Variants in RNF130 observed in about 807,000 individuals in gnomAD.
RNF130 encodes the protein E3 ubiquitin-protein ligase RNF130.
RNF130 carries 21 observed loss-of-function variants against 44.6 expected under a neutral mutation model. The ratio of observed to expected loss-of-function variants is 0.47; its 90% CI spans 0.33 to 0.68. RNF130 has a LOEUF of 0.68. Ranked by LOEUF, RNF130 falls within the 30% of genes least tolerant of loss-of-function variation. The pLI, the probability that RNF130 is intolerant of heterozygous loss-of-function variation, is 0.02. For missense variants in RNF130, 479 were observed against 560.6 expected, an observed-to-expected ratio of 0.85 and a Z score of 1.47; for synonymous variants, 214 against 210.4, an observed-to-expected ratio of 1.02 and a Z score of -0.15.
chr5:179,938,749 TTAA>T (rs1299302273), intron 7 of RNF130, among the ~76,000 whole-genome samples: 1 of 152,224 alleles, frequency 6.6e-6, no homozygotes, highest in African/African-American at 2.4e-5. Context: ...CATTATTGCA[TTAA>T]TACCTTTCAC....
intron 7 of RNF130, among the ~76,000 whole-genome samples, chr5:179,941,082 ATACT>A (rs1319876046): frequency 5.9e-5 from 9 of 152,152 alleles, no homozygotes; most frequent in African/African-American, 2.2e-4. Flanking sequence ...TTTCCTGAAC[ATACT>A]TAATTATTTT....
At chr5:180,020,090 T>TCAGGACA (rs1351099524) in intron 2 of RNF130, among the ~76,000 whole-genome samples, 1 of 152,190 alleles carries the variant, frequency 6.6e-6, no homozygotes, top group African/African-American at 2.4e-5. Flanking sequence ...GAGGCACTGG[T>TCAGGACA]CAGGACACAG....
At chr5:180,016,142 GCCA>G (rs1763723579) in intron 2 of RNF130, among the ~76,000 whole-genome samples, 1 of 151,934 alleles carries the variant, frequency 6.6e-6, no homozygotes, top group South Asian at 2.1e-4. Context: ...ACGAAAGCCC[GCCA>G]CCAACTTGCA....
chr5:180,024,699 G>A (rs1347493318), intron 2 of RNF130, among the ~76,000 whole-genome samples: 1 of 152,164 alleles, frequency 6.6e-6, no homozygotes, highest in Non-Finnish European at 1.5e-5. Flanking sequence ...GACACCAAAC[G>A]GAAACTTGGA....
intron 7 of RNF130, among the ~76,000 whole-genome samples, chr5:179,928,692 G>C (rs1382545096): frequency 6.6e-6 from 1 of 150,672 alleles, no homozygotes; most frequent in African/African-American, 2.4e-5. Flanking sequence ...GCAGTGGTGC[G>C]ATCTCGGCTC....
chr5:180,014,064 C>A (rs528798101), intron 2 of RNF130, among the ~76,000 whole-genome samples: 25 of 152,222 alleles, frequency 1.6e-4, no homozygotes, highest in Non-Finnish European at 2.9e-4. Context: ...CTTCAACATT[C>A]TGGACCAGTT....
At position 180,040,660 on chromosome 5, in the gene RNF130, A is replaced by G. The variant is rs1170870471; in HGVS notation, c.248-13T>C. 1.2e-6 allele frequency: 2 copies of G among 1,607,212 alleles called. No homozygotes were observed. Among genetic ancestry groups the G allele is most frequent in the South Asian group, 2.2e-5 (2 of 90,244 alleles). Reference sequence around the variant, plus strand: ...AGATGATCAGCAACTGAAAAGAAAAAGAAATACACACATTAAAGATAAATA... The same window carrying G: ...AGATGATCAGCAACTGAAAAGAAAAGGAAATACACACATTAAAGATAAATA... On this transcript the variant is annotated splice_polypyrimidine_tract_variant and intron_variant, in intron 1 of 8. Coordinates refer to ENST00000521389, the MANE Select transcript of RNF130 (RefSeq NM_018434.6).
intron 1 of RNF130, among the ~76,000 whole-genome samples, chr5:180,048,934 T>G (rs1764629750): frequency 6.6e-6 from 1 of 152,224 alleles, no homozygotes; most frequent in African/African-American, 2.4e-5. Flanking sequence ...TTTATCCTTC[T>G]GTGCCCCACA....
chr5:179,996,023 G>A (rs1383349609), intron 3 of RNF130, among the ~76,000 whole-genome samples: 1 of 152,134 alleles, frequency 6.6e-6, no homozygotes, highest in East Asian at 1.9e-4. Flanking sequence ...TTTTGATAGG[G>A]ATTACATTCA....
intron 1 of RNF130, among the ~76,000 whole-genome samples, chr5:180,047,621 G>T (rs1295400274): frequency 6.6e-6 from 1 of 152,108 alleles, no homozygotes. Flanking sequence ...GTGTAGGCCT[G>T]TAATCCTAGC....
At chr5:179,987,014 C>A (rs1446741711) in intron 3 of RNF130, among the ~76,000 whole-genome samples, 1 of 152,126 alleles carries the variant, frequency 6.6e-6, no homozygotes, top group African/African-American at 2.4e-5. Flanking sequence ...TATTCTCCAA[C>A]TTTACTGAAT....
chr5:179,926,180 G>A (rs1761705571), intron 7 of RNF130, among the ~76,000 whole-genome samples: 1 of 152,208 alleles, frequency 6.6e-6, no homozygotes, highest in Non-Finnish European at 1.5e-5. Context: ...GTGCCTGTCA[G>A]TGAACTACGT....
At chr5:180,043,630 G>C (rs1231401222) in intron 1 of RNF130, among the ~76,000 whole-genome samples, 1 of 151,674 alleles carries the variant, frequency 6.6e-6, no homozygotes, top group East Asian at 1.9e-4. Flanking sequence ...ACACAGCAAG[G>C]GGTGCAACCA....
intron 3 of RNF130, among the ~76,000 whole-genome samples, chr5:179,993,958 C>T (rs929698953): frequency 6.6e-6 from 1 of 152,160 alleles, no homozygotes; most frequent in Admixed American, 6.5e-5. Flanking sequence ...AGCCAGTTTT[C>T]CCAGCGTCAT....
chr5:180,029,096 T>A (rs1201991062), intron 2 of RNF130, among the ~76,000 whole-genome samples: 2 of 152,220 alleles, frequency 1.3e-5, no homozygotes, highest in African/African-American at 4.8e-5. Flanking sequence ...CAAATCCCAA[T>A]CTTGTGACTG....
chr5:179,959,343 TAA>T (rs1398072992), intron 8 of RNF130, among the ~76,000 whole-genome samples: 1 of 152,046 alleles, frequency 6.6e-6, no homozygotes, highest in Admixed American at 6.5e-5. Context: ...ATATTCCTCT[TAA>T]AAAGAGTACT....
chr5:179,964,800 A>G (rs1230772694), intron 7 of RNF130, among the ~76,000 whole-genome samples: 1 of 152,268 alleles, frequency 6.6e-6, no homozygotes, highest in Non-Finnish European at 1.5e-5. Context: ...TAAAATGCTT[A>G]GTAAACCCCT....
chr5:179,989,867 C>T (rs922156932), intron 3 of RNF130, among the ~76,000 whole-genome samples: 3 of 152,068 alleles, frequency 2.0e-5, no homozygotes, highest in African/African-American at 7.2e-5. Context: ...TTCTCTTCTT[C>T]GTGTAATTGT....
intron 2 of RNF130, among the ~76,000 whole-genome samples, chr5:180,017,356 G>A (rs1166637631): frequency 6.6e-6 from 1 of 152,062 alleles, no homozygotes; most frequent in Non-Finnish European, 1.5e-5. Context: ...GGTTATTTTG[G>A]TATCTGCCAG....
Sources: gnomAD v4.1 joint callset for allele counts (sites outside exome capture counted in the v4.1 genomes callset) on GRCh38, gnomAD v4.1.1 for gene constraint, MANE v1.5 for transcripts, NCBI Gene and HGNC (gene_info 2026-07-23, HGNC 2026-07-21) for gene names.